The following PREPL variants were observed in gnomAD, a reference collection of about 807,000 sequenced individuals.
The protein encoded by PREPL is prolyl endopeptidase like.
In PREPL, 77 loss-of-function variants were observed where a neutral mutation model predicts 70.6. The ratio of observed to expected loss-of-function variants is 1.09; its 90% confidence interval spans 0.91 to 1.32. The LOEUF (loss-of-function observed/expected upper bound fraction) is 1.32. Ranked by LOEUF, PREPL falls within the 40% of genes most tolerant of loss-of-function variation. The pLI, the probability that PREPL is intolerant of heterozygous loss-of-function variation, is 0.00. For synonymous variants in PREPL, 315 were observed against 264.8 expected (o/e 1.19, Z -1.84); for missense variants, 1,002 against 778.2 (o/e 1.29, Z -3.42).
chr2:44,350,467 C>A (rs998617926), intron 1 of PREPL, among the ~76,000 whole-genome samples: 1 of 152,104 alleles, frequency 6.6e-6, no homozygotes, highest in Admixed American at 6.6e-5. Context: ...TTATCTTACA[C>A]AGAAATATAC....
At chr2:44,354,410 A>T (rs761814171) in intron 1 of PREPL, among the ~76,000 whole-genome samples, 3 of 152,174 alleles carry the variant, frequency 2.0e-5, no homozygotes, top group Non-Finnish European at 4.4e-5. Context: ...AGACAGGAAA[A>T]GTTTAAAATG....
rs1674976442 is a variant in PREPL at position 44,339,381 on chromosome 2, G to A, written c.486-18C>T. 2.7e-6 allele frequency: 4 copies of A among 1,507,676 alleles called. No homozygotes were observed. The highest frequency in any genetic ancestry group is 3.6e-6 in the Non-Finnish European group (4 of 1,097,028). 93.4% of individuals were successfully genotyped at this position (1,507,676 alleles called of 1,614,324 possible). A position where few individuals can be genotyped will look rare whatever the true frequency, so the allele number is the denominator to read the frequency against. On this transcript the variant is annotated intron_variant, in intron 5 of 13. Coordinates refer to ENST00000409411, the MANE Select transcript of PREPL (RefSeq NM_001171613.2). Reference sequence around the variant, plus strand: ...CAAAGTAGCTAGAGAGAGAGAGAGAGACATGAGATCACAGTTTATTTCAGA... The same window carrying A: ...CAAAGTAGCTAGAGAGAGAGAGAGAAACATGAGATCACAGTTTATTTCAGA...
Position 44,329,013 on chromosome 2 carries a change from C to T in PREPL, c.1186G>A (p.Asp396Asn). The T allele has an allele frequency of 2.5e-6, 4 of 1,614,068 alleles. No individual in the cohort carries two copies. In the South Asian group the frequency reaches 4.4e-5, roughly 18 times the overall value. The change falls in exon 9 of 14, where the codon GAT becomes AAT. Residue 396 changes from aspartate to asparagine, a missense_variant. Transcript: ENST00000409411. ...LVHVYGAYGM[D>N]LKMNFRPERR... ...TCAGGCCTGAAATTCATTTTCAAAT[C>T]CATTCCATAAGCTCCATATACATGT...
chr2:44,359,416 C>G, intron 1 of PREPL: 3 of 1,087,596 alleles, frequency 2.8e-6, no homozygotes, highest in East Asian at 4.9e-5. Flanking sequence ...ATTAGTAGCT[C>G]TGATATTCTA....
Position 44,359,540 on chromosome 2 carries a change from G to A in PREPL, c.-49+1840C>T, listed in dbSNP as rs1392001224. 7.4e-6 allele frequency: 12 copies of A among 1,613,242 alleles called. No homozygotes were observed. Among genetic ancestry groups the A allele is most frequent in the South Asian group, 6.6e-5 (6 of 91,060 alleles). On this transcript the variant is annotated intron_variant, in intron 1 of 13. Transcript: ENST00000409411. The stretch of plus-strand genomic sequence containing the variant: ...ACTTGGGATGTTTCTTGCTAACTCT[G>A]ATATCTTGGGTTTATTCTGAAGACA...
chr2:44,352,128 T>A (rs969121113), intron 1 of PREPL, among the ~76,000 whole-genome samples: 6 of 152,212 alleles, frequency 3.9e-5, no homozygotes, highest in African/African-American at 1.4e-4. Flanking sequence ...AAGTTAGGCC[T>A]TTCCTAACCA....
At chr2:44,359,838 T>C (rs1245942969) in intron 1 of PREPL, 2 of 654,412 alleles carry the variant, frequency 3.1e-6, no homozygotes, top group Non-Finnish European at 5.3e-6. Context: ...ATCCCTCCTT[T>C]TCAGGGCCAT....
chr2:44,329,217 C>T (rs1476951958), intron 8 of PREPL, 105 bp from the exon 9 acceptor site: 5 of 875,880 alleles, frequency 5.7e-6, no homozygotes, highest in Non-Finnish European at 8.6e-6. Flanking sequence ...TTGTGTGCTA[C>T]CTACTGATGT....
intron 8 of PREPL, among the ~76,000 whole-genome samples, chr2:44,331,886 CTTTAAAAAATCAGA>C (rs1674135530): frequency 6.6e-6 from 1 of 151,718 alleles, no homozygotes; most frequent in Non-Finnish European, 1.5e-5. Flanking sequence ...TTAAAATCAA[CTTTAAAAAATCAGA>C]CATAAACAAC....
chr2:44,325,583 C>G (rs113359114), intron 10 of PREPL, among the ~76,000 whole-genome samples: 32 of 152,112 alleles, frequency 2.1e-4, no homozygotes, highest in African/African-American at 6.8e-4. Flanking sequence ...CATAAATATC[C>G]TTCTCATCAT....
chr2:44,361,835 T>C, upstream of PREPL: 1 of 1,256,816 alleles, frequency 8.0e-7, no homozygotes, highest in Non-Finnish European at 1.0e-6. Context: ...TCGGCCCTGG[T>C]TGCCAAGGAG....
At chr2:44,354,252 TATATGA>T (rs1572571602) in intron 1 of PREPL, among the ~76,000 whole-genome samples, 2 of 152,118 alleles carry the variant, frequency 1.3e-5, no homozygotes, top group African/African-American at 4.8e-5. Context: ...AATTTATGGT[TATATGA>T]AAAGAAAAAA....
intron 9 of PREPL, among the ~76,000 whole-genome samples, chr2:44,327,250 C>T (rs977463555): frequency 6.6e-6 from 1 of 152,118 alleles, no homozygotes; most frequent in African/African-American, 2.4e-5. Flanking sequence ...AAAGTAGAAA[C>T]AAACGAAAAT....
At chr2:44,360,648 A>T (rs1188197864) in intron 1 of PREPL, 1 of 152,186 alleles carries the variant, frequency 6.6e-6, no homozygotes, top group East Asian at 1.9e-4. Context: ...CCTACACTTA[A>T]CTGTGTCTCC....
chr2:44,343,177 G>A (rs1675411935), intron 4 of PREPL, among the ~76,000 whole-genome samples: 1 of 152,138 alleles, frequency 6.6e-6, no homozygotes, highest in African/African-American at 2.4e-5. Context: ...TCAATTCACT[G>A]CAACAACATT....
chr2:44,322,032 C>T (rs1264195880), intron 12 of PREPL, 132 bp from the exon 13 acceptor site: 1 of 870,076 alleles, frequency 1.1e-6, no homozygotes, highest in African/African-American at 1.7e-5. Flanking sequence ...CAAAAACCAC[C>T]ATCATCAACA....
chr2:44,357,058 G>T (rs767171263), intron 1 of PREPL, among the ~76,000 whole-genome samples: 3 of 152,122 alleles, frequency 2.0e-5, no homozygotes, highest in Non-Finnish European at 2.9e-5. Context: ...TGCTCGCCTT[G>T]GCCTCCCAAT....
Position 44,320,370 on chromosome 2 carries a change from C to T in PREPL, c.*986G>A, listed in dbSNP as rs778694409. The T allele has an allele frequency of 4.3e-6, 7 of 1,614,084 alleles. No homozygotes were observed. The highest frequency in any genetic ancestry group is 5.9e-6 in the Non-Finnish European group (7 of 1,179,972). ...CATCGACAGAATCTTTATCGTGGTT[C>T]TGAATTTTGGAGAATCAACACTGTT... On this transcript the variant is annotated 3_prime_UTR_variant, in exon 14 of 14. Transcript: ENST00000409411.
chr2:44,348,515 G>T (rs185579685), intron 1 of PREPL, among the ~76,000 whole-genome samples: 5 of 152,268 alleles, frequency 3.3e-5, no homozygotes, highest in Admixed American at 1.3e-4. Flanking sequence ...GCACATTCTA[G>T]GTCATGGAGC....
Sources: allele counts gnomAD v4.1 joint callset (sites outside exome capture counted in the v4.1 genomes callset), GRCh38; gene constraint gnomAD v4.1.1; transcripts MANE v1.5; gene names NCBI Gene and HGNC (gene_info 2026-07-23, HGNC 2026-07-21).